Variants in STXBP5 observed in about 807,000 individuals in gnomAD.
The protein encoded by STXBP5 is syntaxin binding protein 5.
STXBP5 carries 50 observed loss-of-function variants against 152.4 expected under a neutral mutation model. That is an observed-to-expected ratio of 0.33 (90% CI 0.26 to 0.42). STXBP5 has a LOEUF of 0.42. STXBP5 is among the 10% of genes least tolerant of loss of function. The probability of loss-of-function intolerance (pLI) is 1.00; values close to 1 mark genes in which losing one functional copy is unlikely to be tolerated. For synonymous variants in STXBP5, 492 were observed against 494.7 expected, an observed-to-expected ratio of 0.99 and a Z score of 0.07; for missense variants, 1,167 against 1,388.6, an observed-to-expected ratio of 0.84 and a Z score of 2.54.
intron 2 of STXBP5, among the ~76,000 whole-genome samples, chr6:147,232,278 TAAAC>T (rs1186492190): frequency 4.0e-5 from 6 of 151,702 alleles, no homozygotes; most frequent in Admixed American, 1.3e-4. Context: ...AATGAACAAA[TAAAC>T]AAACAACCTA....
chr6:147,262,713 C>T (rs1057431426), intron 6 of STXBP5, among the ~76,000 whole-genome samples: 5 of 151,824 alleles, frequency 3.3e-5, no homozygotes, highest in Non-Finnish European at 7.4e-5. Flanking sequence ...TTTTGTAGCA[C>T]TAATCACAGA....
intron 16 of STXBP5, among the ~76,000 whole-genome samples, chr6:147,317,531 G>A (rs1352469694): frequency 6.6e-6 from 1 of 152,056 alleles, no homozygotes; most frequent in Non-Finnish European, 1.5e-5. Context: ...CAGGGATAAT[G>A]TTAAATATTC....
chr6:147,241,583 T>C (rs1277537949), intron 4 of STXBP5, among the ~76,000 whole-genome samples: 1 of 152,188 alleles, frequency 6.6e-6, no homozygotes, highest in East Asian at 1.9e-4. Flanking sequence ...TCCCAAAAGA[T>C]TATAATGGAG....
chr6:147,314,969 G>C (rs1319092154), intron 14 of STXBP5, among the ~76,000 whole-genome samples: 1 of 152,070 alleles, frequency 6.6e-6, no homozygotes, highest in Non-Finnish European at 1.5e-5. Context: ...CTCTAAATTT[G>C]TATCACTAAC....
chr6:147,380,069 A>T (rs1786001525), intron 26 of STXBP5, among the ~76,000 whole-genome samples: 1 of 152,046 alleles, frequency 6.6e-6, no homozygotes, highest in South Asian at 2.1e-4. Flanking sequence ...ATTGATCTAC[A>T]CATTTAACAC....
At position 147,341,364 on chromosome 6, in the gene STXBP5, T is replaced by C. The variant is rs1784085417; in HGVS notation, c.2254+1980T>C. Among the ~76,000 whole-genome samples the C allele has an allele frequency of 5.3e-5, 8 of 152,206 alleles. No individual in the cohort carries two copies. The South Asian group carries it at 1.7e-3, about 31-fold the overall frequency. ...TGGTATTTTGTGCATGAAGCTGTGGTGTCAAAAGTATTAGGACTTCTTGAG... is the reference window on the plus strand; with the variant it reads ...TGGTATTTTGTGCATGAAGCTGTGGCGTCAAAAGTATTAGGACTTCTTGAG... On this transcript the variant is annotated intron_variant, in intron 21 of 27. Coordinates refer to ENST00000321680, the MANE Select transcript of STXBP5 (RefSeq NM_001127715.4).
chr6:147,235,252 T>C lies in STXBP5; in HGVS notation c.251T>C (p.Phe84Ser). 2.5e-6 allele frequency: 4 copies of C among 1,613,210 alleles called. No homozygotes were observed. Among genetic ancestry groups the C allele is most frequent in the Non-Finnish European group, 3.4e-6 (4 of 1,179,392 alleles). The change falls in exon 3 of 28, where the codon TTT (phenylalanine) becomes TCT (serine). Residue 84 changes from phenylalanine (F) to serine (S), a missense_variant and splice_region_variant. Around this residue, in one of 3 missense-constraint regions of STXBP5, gnomAD observed 310 missense variants for 346.1 expected, o/e 0.90. Transcript: ENST00000321680. ...VGTQTGALRL[F>S]GRPGVECYCQ... ...CTCCTTAATGGAATTAATTACAGCT[T>C]TGGTCGTCCAGGAGTAGAATGTTAT... is the stretch of plus-strand genomic sequence containing the variant.
intron 21 of STXBP5, among the ~76,000 whole-genome samples, chr6:147,344,771 A>AT (rs1201621660): frequency 6.7e-6 from 1 of 149,096 alleles, no homozygotes; most frequent in Non-Finnish European, 1.5e-5. Context: ...CTATATATGA[A>AT]TTTTGCAAGG....
chr6:147,251,790 T>G (rs1445363935), intron 4 of STXBP5, among the ~76,000 whole-genome samples: 1 of 151,932 alleles, frequency 6.6e-6, no homozygotes, highest in Non-Finnish European at 1.5e-5. Context: ...CATGTATCCT[T>G]ACTGGGAGAC....
At chr6:147,215,521 C>T (rs1274215950) in intron 2 of STXBP5, among the ~76,000 whole-genome samples, 1 of 152,042 alleles carries the variant, frequency 6.6e-6, no homozygotes, top group Non-Finnish European at 1.5e-5. Context: ...GCTGGGACTC[C>T]AGGTGCACGC....
intron 2 of STXBP5, among the ~76,000 whole-genome samples, chr6:147,217,088 A>G (rs1477717168): frequency 1.3e-5 from 2 of 152,218 alleles, no homozygotes; most frequent in African/African-American, 4.8e-5. Context: ...TTGTGATGGC[A>G]GTACCTCTGC....
At chr6:147,328,915 C>A in intron 18 of STXBP5, 1 of 302,098 alleles carries the variant, frequency 3.3e-6, no homozygotes, top group East Asian at 8.7e-5. Context: ...CATCTCATGA[C>A]ATGTATATGA....
intron 4 of STXBP5, among the ~76,000 whole-genome samples, chr6:147,257,178 C>T (rs968862530): frequency 2.7e-5 from 4 of 150,920 alleles, no homozygotes; most frequent in Non-Finnish European, 4.4e-5. Flanking sequence ...TTGTATTCTA[C>T]AAGAATCCCC....
chr6:147,335,945 T>C (rs909539289), intron 19 of STXBP5, among the ~76,000 whole-genome samples: 6 of 152,256 alleles, frequency 3.9e-5, no homozygotes, highest in Admixed American at 3.3e-4. Flanking sequence ...GAAGTTCATA[T>C]GTCCTTAGAT....
rs763008257 is a variant in STXBP5 at position 147,359,202 on chromosome 6, C to T, written c.2424C>T (p.Asp808=). 34 of 1,613,936 alleles carry T rather than the reference C, an allele frequency of 2.1e-5. No individual in the cohort carries two copies. Among genetic ancestry groups the T allele is most frequent in the Non-Finnish European group, 2.6e-5 (31 of 1,179,962 alleles). The change falls in exon 23 of 28, where the codon GAC becomes GAT. Residue 808 remains aspartate (D), a synonymous_variant. Transcript: ENST00000321680. ...HFCETFTRKT[D]SSPSPCLWVG... is the part of the protein sequence containing the mutation. ...GTGAAACGTTTACTCGAAAGACGGA[C>T]TCGTCCCCTTCCCCTTGTCTATGGG...
intron 24 of STXBP5, 35 bp downstream of exon 24, chr6:147,363,739 G>A: frequency 6.4e-7 from 1 of 1,561,628 alleles, no homozygotes; most frequent in Non-Finnish European, 8.6e-7. Context: ...CACAGATATA[G>A]CATTTCCTCC....
At chr6:147,381,982 A>G (rs1307250073) in intron 26 of STXBP5, among the ~76,000 whole-genome samples, 1 of 152,160 alleles carries the variant, frequency 6.6e-6, no homozygotes, top group Admixed American at 6.6e-5. Context: ...CCTTACGAAT[A>G]AAGTAAAAAT....
intron 21 of STXBP5, among the ~76,000 whole-genome samples, chr6:147,351,590 T>C (rs1463421354): frequency 6.6e-6 from 1 of 152,202 alleles, no homozygotes; most frequent in Non-Finnish European, 1.5e-5. Flanking sequence ...GTATGTGACA[T>C]CAACTAACTG....
intron 18 of STXBP5, among the ~76,000 whole-genome samples, chr6:147,329,665 G>T (rs1439137329): frequency 1.9e-4 from 20 of 105,868 alleles, no homozygotes; most frequent in African/African-American, 7.4e-4. Context: ...TCGCTCTTTC[G>T]CCCAGGCTGG....
Sources: allele counts gnomAD v4.1 joint callset (sites outside exome capture counted in the v4.1 genomes callset), GRCh38; gene constraint gnomAD v4.1.1; regional missense constraint gnomAD v4.1.1; transcripts MANE v1.5; gene names NCBI Gene and HGNC (gene_info 2026-07-23, HGNC 2026-07-21).